Variants in CPA6 observed in about 807,000 individuals in gnomAD.
The protein encoded by CPA6 is carboxypeptidase A6, also known as carboxypeptidase B.
A neutral mutation model predicts 63.3 loss-of-function variants in CPA6; 58 were observed. The ratio of observed to expected loss-of-function variants is 0.92; its 90% confidence interval spans 0.74 to 1.14. CPA6 has a LOEUF of 1.14. CPA6 is among the 50% of genes most tolerant of loss of function. The pLI, the probability that CPA6 is intolerant of heterozygous loss-of-function variation, is 0.00. For synonymous variants in CPA6, 185 were observed against 179.0 expected, an observed-to-expected ratio of 1.03 and a Z score of -0.27; for missense variants, 565 against 526.6, an observed-to-expected ratio of 1.07 and a Z score of -0.71.
At chr8:67,515,113 C>A (rs567660150) in intron 3 of CPA6, among the ~76,000 whole-genome samples, 1 of 152,288 alleles carries the variant, frequency 6.6e-6, no homozygotes, top group Admixed American at 6.5e-5. Flanking sequence ...CCTAGGCCCT[C>A]CCAAACCCCA....
intron 6 of CPA6, among the ~76,000 whole-genome samples, chr8:67,487,624 G>A (rs1811509769): frequency 2.6e-5 from 4 of 152,268 alleles, no homozygotes; most frequent in Non-Finnish European, 2.9e-5. Context: ...TTGAGGAATC[G>A]CCACATTGTC....
At chr8:67,603,427 T>C (rs1304595878) in intron 2 of CPA6, among the ~76,000 whole-genome samples, 1 of 152,206 alleles carries the variant, frequency 6.6e-6, no homozygotes. Flanking sequence ...TACTTTATTA[T>C]ATTTCTTTCA....
intron 2 of CPA6, among the ~76,000 whole-genome samples, chr8:67,567,134 C>T (rs545355377): frequency 2.4e-4 from 36 of 152,282 alleles, no homozygotes; most frequent in African/African-American, 8.4e-4. Context: ...CTACCTTACT[C>T]ACCTCTTTCT....
intron 6 of CPA6, among the ~76,000 whole-genome samples, chr8:67,505,029 C>T (rs909157110): frequency 2.0e-5 from 3 of 152,192 alleles, no homozygotes; most frequent in Non-Finnish European, 4.4e-5. Flanking sequence ...ATGCCTCTTC[C>T]TTTTCCTGAG....
chr8:67,730,989 C>A (rs1817695021), intron 1 of CPA6, among the ~76,000 whole-genome samples: 1 of 152,186 alleles, frequency 6.6e-6, no homozygotes, highest in Non-Finnish European at 1.5e-5. Flanking sequence ...ATTTGCAATC[C>A]TGCTATTACA....
chr8:67,525,836 A>C (rs1812350346), intron 2 of CPA6, among the ~76,000 whole-genome samples: 1 of 152,192 alleles, frequency 6.6e-6, no homozygotes, highest in Admixed American at 6.5e-5. Context: ...TACACAGAAC[A>C]TGAGTGTGAA....
At chr8:67,707,452 G>T (rs1382673669) in intron 1 of CPA6, among the ~76,000 whole-genome samples, 1 of 152,120 alleles carries the variant, frequency 6.6e-6, no homozygotes, top group Non-Finnish European at 1.5e-5. Context: ...CTCTCTACCT[G>T]ATTTCTCTAA....
At chr8:67,475,846 T>A (rs1811191026) in intron 8 of CPA6, among the ~76,000 whole-genome samples, 1 of 97,208 alleles carries the variant, frequency 1.0e-5, no homozygotes, top group East Asian at 2.8e-4. Flanking sequence ...TTTCTTTCTT[T>A]CTTTCTTTCT....
intron 1 of CPA6, among the ~76,000 whole-genome samples, chr8:67,718,036 G>A (rs568462947): frequency 4.6e-5 from 7 of 152,250 alleles, no homozygotes; most frequent in South Asian, 2.1e-4. Context: ...AGACACAGAC[G>A]TGTGTGTGTC....
At chr8:67,422,934 T>G (rs1809800663) in intron 10 of CPA6, among the ~76,000 whole-genome samples, 1 of 152,224 alleles carries the variant, frequency 6.6e-6, no homozygotes, top group African/African-American at 2.4e-5. Flanking sequence ...GCACGAAGAC[T>G]AAAATTTCTC....
intron 6 of CPA6, among the ~76,000 whole-genome samples, chr8:67,499,229 G>T (rs1188965502): frequency 6.6e-6 from 1 of 152,170 alleles, no homozygotes; most frequent in Non-Finnish European, 1.5e-5. Context: ...GGCCAAAGAA[G>T]AGATGAACTT....
intron 1 of CPA6, among the ~76,000 whole-genome samples, chr8:67,659,700 C>T (rs976050819): frequency 2.0e-5 from 3 of 152,216 alleles, no homozygotes; most frequent in Non-Finnish European, 2.9e-5. Flanking sequence ...CTCTACATTT[C>T]AACAAGGTAG....
chr8:67,611,245 G>C (rs1349176695), intron 2 of CPA6, among the ~76,000 whole-genome samples: 1 of 152,046 alleles, frequency 6.6e-6, no homozygotes, highest in African/African-American at 2.4e-5. Context: ...ACCATGCCCT[G>C]CTAATTTTTT....
intron 8 of CPA6, among the ~76,000 whole-genome samples, chr8:67,436,120 C>A (rs1810146890): frequency 2.0e-5 from 3 of 152,154 alleles, no homozygotes; most frequent in East Asian, 1.9e-4. Context: ...AACAACTGTC[C>A]CCTCACCCAC....
chr8:67,702,490 A>C (rs1817047196), intron 1 of CPA6, among the ~76,000 whole-genome samples: 1 of 152,074 alleles, frequency 6.6e-6, no homozygotes, highest in African/African-American at 2.4e-5. Flanking sequence ...GTCTCTGTAA[A>C]ATAATAATTG....
chr8:67,553,266 T>A (rs1812990039), intron 2 of CPA6, among the ~76,000 whole-genome samples: 1 of 152,198 alleles, frequency 6.6e-6, no homozygotes. Context: ...ATCTTAAAAT[T>A]GGTAAAACAT....
chr8:67,483,665 C>T (rs1287371195), intron 8 of CPA6, 103 bp downstream of exon 8: 1 of 926,780 alleles, frequency 1.1e-6, no homozygotes, highest in Non-Finnish European at 1.8e-6. Context: ...TTTTCACATA[C>T]AGAAAAACAT....
At chr8:67,593,532 A>G (rs1406966697) in intron 2 of CPA6, among the ~76,000 whole-genome samples, 6 of 152,162 alleles carry the variant, frequency 3.9e-5, no homozygotes, top group African/African-American at 7.2e-5. Context: ...GTCTCTTTGT[A>G]GGTCACTGAG....
chr8:67,623,222 GAA>G (rs1444710693), intron 2 of CPA6, among the ~76,000 whole-genome samples: 1 of 152,144 alleles, frequency 6.6e-6, no homozygotes. Context: ...AGAAGCTCTA[GAA>G]AACAGGAAAC....
Sources: allele counts gnomAD v4.1 joint callset (sites outside exome capture counted in the v4.1 genomes callset), GRCh38; gene constraint gnomAD v4.1.1; transcripts MANE v1.5; gene names NCBI Gene and HGNC (gene_info 2026-07-23, HGNC 2026-07-21).